CSMD1: variants seen among roughly 807,000 people sequenced by gnomAD.
CSMD1 encodes CUB and sushi domain-containing protein 1.
Under a neutral mutation model 417.5 loss-of-function variants are expected in CSMD1, and 213 were observed. That is an observed-to-expected ratio of 0.51 (90% CI 0.46 to 0.57). The LOEUF (loss-of-function observed/expected upper bound fraction) is 0.57, where lower values mean the gene tolerates loss of function less well. Ranked by LOEUF, CSMD1 falls within the 20% of genes least tolerant of loss-of-function variation. The pLI, the probability that CSMD1 is intolerant of heterozygous loss-of-function variation, is 0.00. For missense variants in CSMD1, 6,923 were observed against 4,529.7 expected (o/e 1.53, Z -15.17); for synonymous variants, 2,862 against 1,736.8 (o/e 1.65, Z -16.11).
At chr8:3,391,724 T>A (rs1373051790) in intron 17 of CSMD1, among the ~76,000 whole-genome samples, 3 of 152,196 alleles carry the variant, frequency 2.0e-5, no homozygotes, top group Non-Finnish European at 2.9e-5. Context: ...CACATTGCCT[T>A]GTAGCACCGC....
intron 8 of CSMD1, among the ~76,000 whole-genome samples, chr8:3,611,496 A>C (rs1395759503): frequency 6.6e-6 from 1 of 152,044 alleles, no homozygotes; most frequent in East Asian, 1.9e-4. Flanking sequence ...TCACTTATTT[A>C]TAAAAACTGA....
chr8:4,354,465 A>G (rs970010305), intron 3 of CSMD1, among the ~76,000 whole-genome samples: 4 of 152,162 alleles, frequency 2.6e-5, no homozygotes, highest in Middle Eastern at 3.2e-3. Flanking sequence ...AGCTAAAATT[A>G]TAATACATGG....
intron 3 of CSMD1, among the ~76,000 whole-genome samples, chr8:4,297,243 A>G (rs888051671): frequency 6.6e-5 from 10 of 152,198 alleles, no homozygotes; most frequent in African/African-American, 2.4e-4. Context: ...AGAAATAATT[A>G]AATATAGAGC....
At chr8:3,795,504 GATAT>G (rs1479427740) in intron 5 of CSMD1, among the ~76,000 whole-genome samples, 252 of 1,634 alleles carry the variant, frequency 0.15, 75 homozygotes, top group African/African-American at 0.45. Flanking sequence ...CATAGATATA[GATAT>G]ATATCTATCA....
intron 12 of CSMD1, among the ~76,000 whole-genome samples, chr8:3,468,318 A>G (rs977618917): frequency 6.6e-6 from 1 of 152,208 alleles, no homozygotes; most frequent in Admixed American, 6.5e-5. Context: ...TTTGGCTCAT[A>G]AAAATTTATA....
At chr8:4,181,314 T>C (rs1798358316) in intron 3 of CSMD1, among the ~76,000 whole-genome samples, 1 of 152,186 alleles carries the variant, frequency 6.6e-6, no homozygotes, top group Admixed American at 6.6e-5. Context: ...ATTTATGACA[T>C]ATATATCCAT....
intron 3 of CSMD1, among the ~76,000 whole-genome samples, chr8:4,270,315 T>C (rs9692619): frequency 0.033 from 4,957 of 152,254 alleles, 288 homozygotes; most frequent in African/African-American, 0.11. Flanking sequence ...ATACTGGTTT[T>C]ATGCTTTATT....
At chr8:3,572,878 C>A (rs77322728) in intron 10 of CSMD1, among the ~76,000 whole-genome samples, 6,471 of 152,258 alleles carry the variant, frequency 0.043, 196 homozygotes, top group East Asian at 0.095. Flanking sequence ...ATCTAACCTT[C>A]AGAACTTTTC....
intron 12 of CSMD1, among the ~76,000 whole-genome samples, chr8:3,440,327 G>C (rs536711435): frequency 2.0e-5 from 3 of 152,066 alleles, no homozygotes; most frequent in Non-Finnish European, 4.4e-5. Context: ...TCTTTCAATA[G>C]CATTGTATAG....
intron 31 of CSMD1, among the ~76,000 whole-genome samples, chr8:3,204,532 C>T (rs1465592892): frequency 6.6e-6 from 1 of 152,036 alleles, no homozygotes; most frequent in Admixed American, 6.6e-5. Flanking sequence ...TTTATCATAA[C>T]AAAGGGAACA....
At chr8:3,528,699 G>C (rs964221215) in intron 10 of CSMD1, among the ~76,000 whole-genome samples, 3 of 152,210 alleles carry the variant, frequency 2.0e-5, no homozygotes, top group Non-Finnish European at 2.9e-5. Flanking sequence ...AAAAATGTCA[G>C]TGCATATGGA....
chr8:4,496,177 A>T (rs1189677757), intron 2 of CSMD1, among the ~76,000 whole-genome samples: 1 of 152,190 alleles, frequency 6.6e-6, no homozygotes, highest in Non-Finnish European at 1.5e-5. Flanking sequence ...ATGAAGAGAA[A>T]ATTTAAATTC....
rs761438286 is a variant in CSMD1, at chr8:3,110,352, GA to G, written c.6431-18del. ...CACAAGGGGCTGCAAAGGAAACCAA[GA>G]AAAAACAAGCGCCATACAGCTGATT... is the stretch of plus-strand genomic sequence containing the variant. On this transcript the variant is annotated intron_variant, in intron 42 of 69. Transcript: ENST00000635120. The G allele has an allele frequency of 2.5e-6, 4 of 1,579,704 alleles. No homozygotes were observed. The highest frequency in any genetic ancestry group is 1.7e-4 in the Middle Eastern group (1 of 5,932).
intron 3 of CSMD1, among the ~76,000 whole-genome samples, chr8:4,256,051 G>A (rs1476984646): frequency 1.3e-5 from 2 of 152,140 alleles, no homozygotes; most frequent in Non-Finnish European, 2.9e-5. Flanking sequence ...TAGATGCAAC[G>A]ATTGCATATT....
At chr8:3,772,450 CATATATATACATATATACACAT>C (rs1563064354) in intron 5 of CSMD1, among the ~76,000 whole-genome samples, 5 of 61,030 alleles carry the variant, frequency 8.2e-5, no homozygotes, top group African/African-American at 5.2e-4. Context: ...TATATATACA[CATATATATACATATATACACAT>C]ATATATACAT....
At chr8:4,316,714 T>A (rs994081189) in intron 3 of CSMD1, among the ~76,000 whole-genome samples, 10 of 152,040 alleles carry the variant, frequency 6.6e-5, no homozygotes, top group African/African-American at 1.9e-4. Context: ...TTCAAAATAA[T>A]GGGATTTTCA....
At chr8:4,759,012 G>A (rs1423814212) in intron 1 of CSMD1, among the ~76,000 whole-genome samples, 1 of 151,564 alleles carries the variant, frequency 6.6e-6, no homozygotes, top group Non-Finnish European at 1.5e-5. Context: ...CTTAAATAAG[G>A]TTCCCCAGGA....
At chr8:4,394,466 C>G (rs1804068743) in intron 3 of CSMD1, among the ~76,000 whole-genome samples, 1 of 152,154 alleles carries the variant, frequency 6.6e-6, no homozygotes, top group Admixed American at 6.5e-5. Flanking sequence ...AAGAAAACTG[C>G]TCAGGTTCTC....
chr8:3,556,551 CCCTCT>C (rs1799161924), intron 10 of CSMD1, among the ~76,000 whole-genome samples: 1 of 147,768 alleles, frequency 6.8e-6, no homozygotes, highest in African/African-American at 2.6e-5. Flanking sequence ...CACACACACA[CCCTCT>C]CTCTCTTTCA....
Sources: allele counts gnomAD v4.1 joint callset (sites outside exome capture counted in the v4.1 genomes callset), GRCh38; gene constraint gnomAD v4.1.1; transcripts MANE v1.5; gene names NCBI Gene and HGNC (gene_info 2026-07-23, HGNC 2026-07-21).